Variants in DPYD observed in about 807,000 individuals in gnomAD.
DPYD encodes dihydropyrimidine dehydrogenase [NADP(+)].
DPYD carries 109 observed loss-of-function variants against 116.2 expected under a neutral mutation model. The ratio of observed to expected loss-of-function variants is 0.94; its 90% CI spans 0.80 to 1.10. DPYD has a LOEUF of 1.10. Ranked by LOEUF, DPYD falls within the 50% of genes least tolerant of loss-of-function variation. The probability of loss-of-function intolerance (pLI) is 0.00; values close to 1 mark genes in which losing one functional copy is unlikely to be tolerated. For synonymous variants in DPYD, 440 were observed against 432.0 expected (o/e 1.02, Z -0.23); for missense variants, 1,302 against 1,254.5 (o/e 1.04, Z -0.57).
At chr1:97,843,825 C>G (rs1440144351) in intron 2 of DPYD, among the ~76,000 whole-genome samples, 1 of 152,094 alleles carries the variant, frequency 6.6e-6, no homozygotes, top group African/African-American at 2.4e-5. Context: ...CATCTGCCCT[C>G]ATAAGCTTAC....
chr1:97,757,745 A>G (rs1292494995), intron 3 of DPYD, among the ~76,000 whole-genome samples: 1 of 152,172 alleles, frequency 6.6e-6, no homozygotes, highest in Non-Finnish European at 1.5e-5. Flanking sequence ...AATATAAAGT[A>G]TTTATGATGC....
chr1:97,399,314 T>G, intron 14 of DPYD, among the ~76,000 whole-genome samples: 1 of 152,180 alleles, frequency 6.6e-6, no homozygotes, highest in East Asian at 1.9e-4. Context: ...ATATCTCTTT[T>G]GTGGTACCAG....
chr1:97,079,124 G>T lies in DPYD; in HGVS notation c.2930C>A (p.Thr977Asn). 2 of 1,613,578 alleles carry T rather than the reference G, an allele frequency of 1.2e-6. No homozygotes were observed. Among genetic ancestry groups the T allele is most frequent in the Non-Finnish European group, 1.7e-6 (2 of 1,179,644 alleles). The change falls in exon 23 of 23, where the codon ACC (threonine) becomes AAC (asparagine). Residue 977 changes from threonine to asparagine, a missense_variant. Physicochemically the swap from Thr to Asn is moderately conservative, Grantham distance 65 (BLOSUM62 0). Transcript: ENST00000370192. ...GYQAIQFDPETHLPTITDTCT... is the reference protein window; with the variant it reads ...GYQAIQFDPENHLPTITDTCT... ...AGTGTCGGTTATGGTGGGCAGGTGG[G>T]TTTCTGGATCAAACTGTATAGCCTG...
At chr1:97,318,646 C>T (rs1378570800) in intron 16 of DPYD, among the ~76,000 whole-genome samples, 3 of 151,504 alleles carry the variant, frequency 2.0e-5, no homozygotes, top group Non-Finnish European at 4.4e-5. Flanking sequence ...ACTTTAACAC[C>T]CCACTGTCAA....
At chr1:97,814,570 G>A (rs1167193434) in intron 3 of DPYD, among the ~76,000 whole-genome samples, 1 of 152,090 alleles carries the variant, frequency 6.6e-6, no homozygotes, top group East Asian at 1.9e-4. Flanking sequence ...GCGCATGTGA[G>A]AGAGAAAATT....
chr1:97,585,375 G>A (rs1654020320), intron 10 of DPYD, among the ~76,000 whole-genome samples: 2 of 152,192 alleles, frequency 1.3e-5, no homozygotes, highest in Non-Finnish European at 1.5e-5. Flanking sequence ...GACCTTGAAG[G>A]ATGAGTTCAC....
intron 11 of DPYD, among the ~76,000 whole-genome samples, chr1:97,558,171 C>A (rs368334907): frequency 6.6e-6 from 1 of 152,088 alleles, no homozygotes; most frequent in Admixed American, 6.6e-5. Context: ...TTTTTCCCCC[C>A]CTTTCTAGTG....
chr1:97,451,489 A>C (rs1012064916), intron 13 of DPYD, among the ~76,000 whole-genome samples: 1 of 152,220 alleles, frequency 6.6e-6, no homozygotes, highest in African/African-American at 2.4e-5. Context: ...GTACATTTTA[A>C]CTTATAGGAA....
intron 3 of DPYD, among the ~76,000 whole-genome samples, chr1:97,806,757 A>C (rs1214871772): frequency 6.6e-6 from 1 of 151,986 alleles, no homozygotes; most frequent in African/African-American, 2.4e-5. Flanking sequence ...ATATGGATCT[A>C]TCATGATAGT....
chr1:97,908,632 C>T (rs1034018950), intron 1 of DPYD, among the ~76,000 whole-genome samples: 4 of 152,020 alleles, frequency 2.6e-5, no homozygotes, highest in Non-Finnish European at 5.9e-5. Flanking sequence ...GCCACCATCA[C>T]CCTTGGTTAT....
intron 2 of DPYD, among the ~76,000 whole-genome samples, chr1:97,872,616 A>C (rs2101619612): frequency 6.6e-6 from 1 of 152,114 alleles, no homozygotes; most frequent in South Asian, 2.1e-4. Context: ...GTGTGGAATG[A>C]AGCACTAGGA....
intron 20 of DPYD, among the ~76,000 whole-genome samples, chr1:97,171,125 C>T (rs1285153382): frequency 6.6e-6 from 1 of 152,108 alleles, no homozygotes; most frequent in Admixed American, 6.6e-5. Context: ...AGTAATATAA[C>T]ATACATGGGC....
At chr1:97,780,272 G>C (rs1666664753) in intron 3 of DPYD, among the ~76,000 whole-genome samples, 2 of 152,126 alleles carry the variant, frequency 1.3e-5, no homozygotes, top group South Asian at 2.1e-4. Flanking sequence ...AGAAACTGAT[G>C]AACAAATAAA....
At chr1:97,794,519 C>G (rs1450991650) in intron 3 of DPYD, among the ~76,000 whole-genome samples, 1 of 152,198 alleles carries the variant, frequency 6.6e-6, no homozygotes, top group Admixed American at 6.5e-5. Flanking sequence ...TAGATGTTTA[C>G]AGTTAACATA....
chr1:97,401,152 A>G (rs1187696635), intron 14 of DPYD, among the ~76,000 whole-genome samples: 2 of 151,968 alleles, frequency 1.3e-5, no homozygotes, highest in Middle Eastern at 3.2e-3. Flanking sequence ...TCATTTTTTA[A>G]AATCTGGTTC....
At chr1:97,586,707 C>A (rs1654152247) in intron 10 of DPYD, among the ~76,000 whole-genome samples, 1 of 151,466 alleles carries the variant, frequency 6.6e-6, no homozygotes, top group Non-Finnish European at 1.5e-5. Flanking sequence ...TATTTGCAGT[C>A]TTCTTTTTTT....
At chr1:97,592,452 C>T (rs767846310) in intron 10 of DPYD, among the ~76,000 whole-genome samples, 10 of 152,096 alleles carry the variant, frequency 6.6e-5, no homozygotes, top group East Asian at 1.9e-4. Flanking sequence ...CTGCAAGCTC[C>T]GCCTCCCGGG....
At chr1:97,826,271 A>G (rs192943908) in intron 3 of DPYD, among the ~76,000 whole-genome samples, 155 of 152,352 alleles carry the variant, frequency 1.0e-3, no homozygotes, top group Admixed American at 2.0e-3. Flanking sequence ...GCAGAATTTA[A>G]TCATCTCTTC....
intron 16 of DPYD, among the ~76,000 whole-genome samples, chr1:97,323,184 A>T (rs1409278002): frequency 6.7e-6 from 1 of 149,330 alleles, no homozygotes; most frequent in Non-Finnish European, 1.5e-5. Context: ...TATACATATC[A>T]TATATACACG....
Sources: allele counts gnomAD v4.1 joint callset (sites outside exome capture counted in the v4.1 genomes callset), GRCh38; gene constraint gnomAD v4.1.1; transcripts MANE v1.5; gene names NCBI Gene and HGNC (gene_info 2026-07-23, HGNC 2026-07-21).